Variants in DENND1A observed in about 807,000 individuals in gnomAD.
DENND1A encodes DENN domain containing 1A.
DENND1A carries 51 observed loss-of-function variants against 113.7 expected under a neutral mutation model. The observed-to-expected ratio is 0.45, with a 90% confidence interval of 0.36 to 0.57. The LOEUF (loss-of-function observed/expected upper bound fraction) is 0.57, where lower values mean the gene tolerates loss of function less well. Among genes scored for constraint, DENND1A ranks in the 20% least tolerant of loss-of-function variants. The pLI, the probability that DENND1A is intolerant of heterozygous loss-of-function variation, is 0.00. For synonymous variants in DENND1A, 565 were observed against 570.8 expected (o/e 0.99, Z 0.14); for missense variants, 1,258 against 1,395.9 (o/e 0.90, Z 1.57).
chr9:123,849,940 T>A (rs1049233210), intron 2 of DENND1A, among the ~76,000 whole-genome samples: 4 of 152,236 alleles, frequency 2.6e-5, no homozygotes, highest in African/African-American at 9.6e-5. Flanking sequence ...TGGGACTGAA[T>A]TGCTGCGATC....
intron 19 of DENND1A, among the ~76,000 whole-genome samples, chr9:123,419,256 A>C (rs2045021860): frequency 6.6e-6 from 1 of 152,218 alleles, no homozygotes; most frequent in Admixed American, 6.5e-5. Flanking sequence ...GGCGCATGAC[A>C]GAGCTAGCCT....
At chr9:123,517,335 G>A (rs2054021990) in intron 13 of DENND1A, among the ~76,000 whole-genome samples, 1 of 151,518 alleles carries the variant, frequency 6.6e-6, no homozygotes, top group Non-Finnish European at 1.5e-5. Flanking sequence ...AAACAGGAAG[G>A]GAGGGCCGGG....
In DENND1A at chr9:123,630,368, C is replaced by T; in HGVS notation, c.719+8G>A. 6.3e-7 allele frequency: 1 copy of T among 1,584,246 alleles called. No individual in the cohort carries two copies. Among genetic ancestry groups the T allele is most frequent in the Non-Finnish European group, 8.6e-7 (1 of 1,161,902 alleles). On this transcript the variant is annotated splice_region_variant and intron_variant, in intron 10 of 23. Transcript: ENST00000394215. ...AGGAGAAGCAGAGGACAGGGCCAGC[C>T]ACCTTACCAGCAGTAGTCCAGCAGA...
At chr9:123,816,063 C>T (rs1369710455) in intron 2 of DENND1A, among the ~76,000 whole-genome samples, 1 of 144,170 alleles carries the variant, frequency 6.9e-6, no homozygotes, top group East Asian at 2.0e-4. Context: ...TGCGGTGGCA[C>T]AATCCTGGCT....
At chr9:123,651,205 A>T (rs1378396273) in intron 9 of DENND1A, among the ~76,000 whole-genome samples, 2 of 152,054 alleles carry the variant, frequency 1.3e-5, no homozygotes, top group Non-Finnish European at 2.9e-5. Context: ...TATAATTAAT[A>T]AAAAAATCAA....
intron 5 of DENND1A, among the ~76,000 whole-genome samples, chr9:123,722,089 T>C (rs561226715): frequency 6.6e-6 from 1 of 152,200 alleles, no homozygotes; most frequent in African/African-American, 2.4e-5. Flanking sequence ...AGGTCCAGGA[T>C]GAGGTGGTCT....
chr9:123,520,933 T>A (rs1247232840), intron 13 of DENND1A, among the ~76,000 whole-genome samples: 3 of 152,228 alleles, frequency 2.0e-5, no homozygotes, highest in Non-Finnish European at 2.9e-5. Flanking sequence ...ATGAGAACAG[T>A]GTCTGGTTTT....
chr9:123,402,492 T>C (rs1428089290), intron 21 of DENND1A: 1 of 534,782 alleles, frequency 1.9e-6, no homozygotes, highest in Non-Finnish European at 3.8e-6. Context: ...TCCCATTTTC[T>C]GAGAGCCAGA....
At chr9:123,417,954 G>T (rs985717443) in intron 19 of DENND1A, among the ~76,000 whole-genome samples, 1 of 152,096 alleles carries the variant, frequency 6.6e-6, no homozygotes, top group African/African-American at 2.4e-5. Flanking sequence ...CAAGAGTGAG[G>T]CTGAATATGA....
intron 5 of DENND1A, among the ~76,000 whole-genome samples, chr9:123,743,842 A>G (rs1321337665): frequency 1.3e-5 from 2 of 152,214 alleles, no homozygotes; most frequent in Admixed American, 1.3e-4. Flanking sequence ...TTAAGGAAAC[A>G]GGCTCAGAAA....
At chr9:123,556,802 A>G (rs1016093945) in intron 13 of DENND1A, among the ~76,000 whole-genome samples, 5 of 152,242 alleles carry the variant, frequency 3.3e-5, no homozygotes, top group Non-Finnish European at 7.3e-5. Context: ...CTCCTCAACC[A>G]GAAAGCCAAG....
At chr9:123,626,146 G>A (rs756084532) in intron 10 of DENND1A, among the ~76,000 whole-genome samples, 3 of 152,044 alleles carry the variant, frequency 2.0e-5, no homozygotes, top group African/African-American at 7.2e-5. Flanking sequence ...TCCTGCCTTG[G>A]CCTCCCAAAG....
intron 12 of DENND1A, among the ~76,000 whole-genome samples, chr9:123,580,132 A>G (rs1000923159): frequency 1.3e-5 from 2 of 152,198 alleles, no homozygotes; most frequent in African/African-American, 4.8e-5. Context: ...TTTGATAATC[A>G]TTACCATAGC....
chr9:123,639,351 A>G (rs772165198), intron 9 of DENND1A, among the ~76,000 whole-genome samples: 3 of 150,996 alleles, frequency 2.0e-5, no homozygotes, highest in Admixed American at 6.6e-5. Context: ...AGGCACGAGT[A>G]TCAGTTGAAC....
chr9:123,828,272 T>G (rs962074160), intron 2 of DENND1A, among the ~76,000 whole-genome samples: 1 of 151,744 alleles, frequency 6.6e-6, no homozygotes, highest in Non-Finnish European at 1.5e-5. Flanking sequence ...AATTAATAAC[T>G]CAGTGGACAA....
At chr9:123,807,263 T>C (rs1835749497) in intron 2 of DENND1A, among the ~76,000 whole-genome samples, 1 of 152,228 alleles carries the variant, frequency 6.6e-6, no homozygotes, top group Non-Finnish European at 1.5e-5. Context: ...CATAATTTTT[T>C]AAATGAACTT....
At chr9:123,745,101 C>CA (rs1474719071) in intron 5 of DENND1A, among the ~76,000 whole-genome samples, 4 of 151,886 alleles carry the variant, frequency 2.6e-5, no homozygotes, top group African/African-American at 9.7e-5. Context: ...TAATCCTCAC[C>CA]AAAAAAATAG....
chr9:123,718,438 CAG>C (rs889465055), intron 5 of DENND1A, among the ~76,000 whole-genome samples: 1 of 152,174 alleles, frequency 6.6e-6, no homozygotes, highest in African/African-American at 2.4e-5. Context: ...TAGCTTTGCC[CAG>C]ATGGTAATAC....
chr9:123,386,457 C>A (rs1377275622), intron 22 of DENND1A, among the ~76,000 whole-genome samples: 1 of 150,234 alleles, frequency 6.7e-6, no homozygotes, highest in Non-Finnish European at 1.5e-5. Flanking sequence ...TCTCGGCTCA[C>A]TGCAACCTCC....
Sources: gnomAD v4.1 joint callset for allele counts (sites outside exome capture counted in the v4.1 genomes callset) on GRCh38, gnomAD v4.1.1 for gene constraint, MANE v1.5 for transcripts, NCBI Gene and HGNC (gene_info 2026-07-23, HGNC 2026-07-21) for gene names.